Variants in EDAR observed in about 807,000 individuals in gnomAD.
EDAR encodes tumor necrosis factor receptor superfamily member EDAR.
EDAR carries 38 observed loss-of-function variants against 51.3 expected under a neutral mutation model. The ratio of observed to expected loss-of-function variants is 0.74; its 90% CI spans 0.57 to 0.97. The LOEUF (loss-of-function observed/expected upper bound fraction) is 0.97, where lower values mean the gene tolerates loss of function less well. EDAR is among the 50% of genes least tolerant of loss of function. The pLI is 0.00. For missense variants in EDAR, 528 were observed against 595.0 expected (o/e 0.89, Z 1.17); for synonymous variants, 227 against 242.1 (o/e 0.94, Z 0.58).
At chr2:108,985,510 G>A (rs1698483070) in intron 1 of EDAR, among the ~76,000 whole-genome samples, 2 of 152,166 alleles carry the variant, frequency 1.3e-5, no homozygotes, top group South Asian at 4.1e-4. Context: ...CTGTTTTCTC[G>A]GAAATGGAAA....
intron 1 of EDAR, among the ~76,000 whole-genome samples, chr2:108,966,469 G>A (rs935681044): frequency 2.0e-5 from 3 of 152,178 alleles, no homozygotes; most frequent in Non-Finnish European, 4.4e-5. Context: ...GCCTCATCTC[G>A]CGGGCCCCGG....
In EDAR at chr2:108,969,855, G is replaced by A. The variant is rs1254173942; in HGVS notation, c.-19+19105C>T. 2.0e-5 allele frequency among the ~76,000 whole-genome samples: 3 copies of A among 152,300 alleles called. No homozygotes were observed. The East Asian group carries it at 5.8e-4, about 29-fold the overall frequency. On this transcript the variant is annotated intron_variant, in intron 1 of 11. Transcript: ENST00000258443. ...GTGCAATGAAGAGCTAACTTGTGCA[G>A]GGATCCAAAAAGGGGTGAAAGAATC... is the stretch of plus-strand genomic sequence containing the variant.
chr2:108,981,842 T>C (rs963013236), intron 1 of EDAR, among the ~76,000 whole-genome samples: 1 of 152,162 alleles, frequency 6.6e-6, no homozygotes, highest in African/African-American at 2.4e-5. Context: ...TGTGAAGCAG[T>C]GATGATTGTC....
chr2:108,908,086 G>C, intron 9 of EDAR, 67 bp from the exon 10 acceptor site: 1 of 1,497,956 alleles, frequency 6.7e-7, no homozygotes, highest in Non-Finnish European at 9.0e-7. Flanking sequence ...AAGTTCTCCT[G>C]TGGTGAACTT....
chr2:108,899,553 AATTAC>A (rs1239306615), intron 11 of EDAR, among the ~76,000 whole-genome samples: 1 of 152,256 alleles, frequency 6.6e-6, no homozygotes, highest in Non-Finnish European at 1.5e-5. Flanking sequence ...AAGTTTTCTG[AATTAC>A]ATTAGGCAGT....
intron 1 of EDAR, among the ~76,000 whole-genome samples, chr2:108,946,107 C>T (rs2105483604): frequency 6.6e-6 from 1 of 152,336 alleles, no homozygotes; most frequent in Non-Finnish European, 1.5e-5. Context: ...TCCAAGGACA[C>T]ACCAGCCCCT....
chr2:108,910,046 G>A (rs1010374882), intron 9 of EDAR, among the ~76,000 whole-genome samples: 1 of 152,230 alleles, frequency 6.6e-6, no homozygotes, highest in African/African-American at 2.4e-5. Context: ...AATGCTGTTA[G>A]CCGTCATCAC....
intron 1 of EDAR, among the ~76,000 whole-genome samples, chr2:108,952,270 G>T (rs905489727): frequency 1.3e-5 from 2 of 152,174 alleles, no homozygotes; most frequent in Non-Finnish European, 2.9e-5. Context: ...TAAATAATGG[G>T]TTCATGTGAA....
Position 108,912,734 on chromosome 2 carries a change from T to C in EDAR, c.473A>G (p.Asn158Ser). 1 of 1,602,080 alleles carries C rather than the reference T, an allele frequency of 6.2e-7. No homozygotes were observed. Among genetic ancestry groups the C allele is most frequent in the Non-Finnish European group, 8.5e-7 (1 of 1,174,784 alleles). ...GCTGCTGCCCGAGGTGCCAGGGAAG[T>C]TGGCAGAAGCTCCTGAAGTGGCTCC... is the stretch of plus-strand genomic sequence containing the variant. Reference protein sequence around the residue: ...CVGATSGASANFPGTSGSSTL... With the variant: ...CVGATSGASASFPGTSGSSTL... Residue 158 changes from asparagine (N) to serine (S), a missense_variant, in exon 6 of 12, where the codon AAC becomes AGC. By Grantham distance (46) the Asn-to-Ser change is conservative (BLOSUM62 1). Transcript: ENST00000258443.
chr2:108,898,850 A>C (rs1005232504), intron 11 of EDAR, among the ~76,000 whole-genome samples: 5 of 152,204 alleles, frequency 3.3e-5, no homozygotes, highest in African/African-American at 1.2e-4. Context: ...AATCAGTGAG[A>C]TGGATAATGG....
chr2:108,929,207 C>G lies in EDAR; in HGVS notation c.347G>C (p.Cys116Ser). ...GAGGGCCTGTGCTTACCCAGGGAGG[C>G]AAGGGCCACACTCAGCGTCATTCTC... ...DMENDAECGP[C>S]LPGYYMLENR... Residue 116 changes from cysteine (C) to serine (S), a missense_variant, in exon 4 of 12, where the codon TGC becomes TCC. Transcript: ENST00000258443. 6.2e-7 allele frequency: 1 copy of G among 1,614,046 alleles called. No homozygotes were observed. The highest frequency in any genetic ancestry group is 8.5e-7 in the Non-Finnish European group (1 of 1,180,042).
intron 1 of EDAR, among the ~76,000 whole-genome samples, chr2:108,938,481 A>G (rs998620136): frequency 6.6e-6 from 1 of 152,206 alleles, no homozygotes; most frequent in African/African-American, 2.4e-5. Context: ...CTCTTGGAGG[A>G]TTGCTCACGA....
intron 5 of EDAR, among the ~76,000 whole-genome samples, chr2:108,913,161 G>T (rs1696961800): frequency 6.6e-6 from 1 of 152,076 alleles, no homozygotes; most frequent in Non-Finnish European, 1.5e-5. Context: ...ATGTTAGCCA[G>T]GATGGGCTCG....
At chr2:108,959,607 C>T (rs1697998193) in intron 1 of EDAR, among the ~76,000 whole-genome samples, 1 of 152,168 alleles carries the variant, frequency 6.6e-6, no homozygotes, top group African/African-American at 2.4e-5. Flanking sequence ...GCCTCACACA[C>T]CCTTGGGGCT....
intron 1 of EDAR, among the ~76,000 whole-genome samples, chr2:108,952,249 T>C (rs1697840083): frequency 6.6e-6 from 1 of 152,120 alleles, no homozygotes; most frequent in African/African-American, 2.4e-5. Flanking sequence ...AGCTTGTTGA[T>C]TGATTTGGTT....
intron 11 of EDAR, among the ~76,000 whole-genome samples, chr2:108,897,919 C>T (rs952392302): frequency 8.5e-5 from 13 of 152,246 alleles, no homozygotes; most frequent in Admixed American, 2.6e-4. Context: ...CTAGGGACCT[C>T]GATACCTTAG....
At chr2:108,922,731 A>G (rs1697168176) in intron 5 of EDAR, among the ~76,000 whole-genome samples, 1 of 152,128 alleles carries the variant, frequency 6.6e-6, no homozygotes. Flanking sequence ...GCTTCCTCCC[A>G]GCTGCTTGTC....
At chr2:108,914,816 C>T (rs1043744796) in intron 5 of EDAR, among the ~76,000 whole-genome samples, 4 of 152,224 alleles carry the variant, frequency 2.6e-5, no homozygotes, top group Non-Finnish European at 4.4e-5. Flanking sequence ...ATCAAGGTAC[C>T]TCCCCAGCCT....
intron 1 of EDAR, among the ~76,000 whole-genome samples, chr2:108,988,267 T>C (rs1698530435): frequency 6.6e-6 from 1 of 152,138 alleles, no homozygotes; most frequent in Non-Finnish European, 1.5e-5. Context: ...TGAGCTGACA[T>C]CTCAAAGCTT....
Sources: allele counts gnomAD v4.1 joint callset (sites outside exome capture counted in the v4.1 genomes callset), GRCh38; gene constraint gnomAD v4.1.1; transcripts MANE v1.5; gene names NCBI Gene and HGNC (gene_info 2026-07-23, HGNC 2026-07-21).